ROBO2: variants seen among roughly 807,000 people sequenced by gnomAD.
The protein encoded by ROBO2 is roundabout guidance receptor 2.
A neutral mutation model predicts 160.8 loss-of-function variants in ROBO2; 53 were observed. The ratio of observed to expected loss-of-function variants is 0.33; its 90% CI spans 0.26 to 0.41. ROBO2 has a LOEUF of 0.41. Ranked by LOEUF, ROBO2 falls within the 10% of genes least tolerant of loss-of-function variation. The pLI is 1.00. For missense variants in ROBO2, 1,577 were observed against 1,722.4 expected, an observed-to-expected ratio of 0.92 and a Z score of 1.49; for synonymous variants, 664 against 611.7, an observed-to-expected ratio of 1.09 and a Z score of -1.26.
intron 2 of ROBO2, among the ~76,000 whole-genome samples, chr3:76,356,981 T>G (rs1303914211): frequency 6.6e-6 from 1 of 151,882 alleles, no homozygotes; most frequent in South Asian, 2.1e-4. Context: ...TAAAATAGTA[T>G]TTACAACCTC....
At chr3:76,773,677 A>G (rs1405356594) in intron 2 of ROBO2, among the ~76,000 whole-genome samples, 1 of 150,818 alleles carries the variant, frequency 6.6e-6, no homozygotes, top group Non-Finnish European at 1.5e-5. Context: ...ATACCTTACC[A>G]GAGAAAGTGA....
At chr3:77,328,891 G>GAAA (rs1231765380) in intron 2 of ROBO2, among the ~76,000 whole-genome samples, 1 of 152,140 alleles carries the variant, frequency 6.6e-6, no homozygotes, top group Non-Finnish European at 1.5e-5. Flanking sequence ...GAGCATATTT[G>GAAA]AAAACACAAA....
chr3:76,639,750 A>G (rs2090550741), intron 2 of ROBO2, among the ~76,000 whole-genome samples: 1 of 152,126 alleles, frequency 6.6e-6, no homozygotes. Flanking sequence ...TCCAACAGAA[A>G]CCATAGGGCT....
chr3:77,124,870 T>C (rs994169111), intron 2 of ROBO2, among the ~76,000 whole-genome samples: 1 of 152,022 alleles, frequency 6.6e-6, no homozygotes, highest in East Asian at 1.9e-4. Flanking sequence ...CTTCTTACTC[T>C]CTATCTTTAT....
At chr3:76,999,260 C>A (rs148753393) in intron 2 of ROBO2, among the ~76,000 whole-genome samples, 1 of 151,838 alleles carries the variant, frequency 6.6e-6, no homozygotes, top group African/African-American at 2.4e-5. Flanking sequence ...AGGATTAGTA[C>A]TGTCACCTAC....
chr3:77,145,608 G>A (rs952393191), intron 2 of ROBO2, among the ~76,000 whole-genome samples: 2 of 152,008 alleles, frequency 1.3e-5, no homozygotes, highest in Non-Finnish European at 2.9e-5. Flanking sequence ...AACTATGATG[G>A]ATCTAGTAAG....
intron 21 of ROBO2, among the ~76,000 whole-genome samples, chr3:77,612,046 C>A (rs868618409): frequency 6.6e-6 from 1 of 152,118 alleles, no homozygotes; most frequent in South Asian, 2.1e-4. Context: ...CAAGTTAATT[C>A]ACATGAAACA....
rs531627447 is a variant in ROBO2, at chr3:76,637,902, A to G, written c.110-460112A>G. The stretch of plus-strand genomic sequence containing the variant: ...ATCTAAAATAACAGGGTTTCTTGAA[A>G]TACTATTGAGTCTCTGTATAGTATT... On this transcript the variant is annotated intron_variant, in intron 2 of 26. Coordinates refer to the ROBO2 transcript ENST00000487694. Among the ~76,000 whole-genome samples, 9 of 152,344 alleles carry G rather than the reference A, an allele frequency of 5.9e-5. No individual in the cohort carries two copies. In the South Asian group the frequency reaches 1.7e-3, roughly 28 times the overall value.
intron 2 of ROBO2, among the ~76,000 whole-genome samples, chr3:77,417,396 G>T (rs1234146868): frequency 6.6e-6 from 1 of 152,034 alleles, no homozygotes; most frequent in African/African-American, 2.4e-5. Context: ...AAGTAATACA[G>T]CATAAAGAAA....
intron 6 of ROBO2, among the ~76,000 whole-genome samples, chr3:77,539,843 G>A (rs2092373637): frequency 6.6e-6 from 1 of 152,168 alleles, no homozygotes; most frequent in African/African-American, 2.4e-5. Flanking sequence ...CACAAGACAA[G>A]CACAAGGTCA....
At chr3:76,940,280 C>G (rs1297778603) in intron 2 of ROBO2, among the ~76,000 whole-genome samples, 3 of 152,112 alleles carry the variant, frequency 2.0e-5, no homozygotes, top group Non-Finnish European at 4.4e-5. Flanking sequence ...CTGCGCCTCG[C>G]CGCAACAGGA....
chr3:77,597,906 T>C (rs540300423), intron 19 of ROBO2, among the ~76,000 whole-genome samples: 1 of 152,226 alleles, frequency 6.6e-6, no homozygotes, highest in East Asian at 1.9e-4. Flanking sequence ...TTAGACTTCG[T>C]TCAGAGGGTA....
chr3:77,444,591 A>G (rs2080274618), intron 2 of ROBO2, among the ~76,000 whole-genome samples: 1 of 152,186 alleles, frequency 6.6e-6, no homozygotes, highest in African/African-American at 2.4e-5. Flanking sequence ...TTTAAAGAGG[A>G]AAAAGAGGTT....
intron 2 of ROBO2, among the ~76,000 whole-genome samples, chr3:76,555,352 G>GAA (rs1560140349): frequency 2.0e-4 from 7 of 35,822 alleles, no homozygotes; most frequent in East Asian, 1.4e-3. Context: ...AGGAAGAGTA[G>GAA]GAAGAGAGAA....
chr3:76,250,977 G>T (rs1211263504), intron 2 of ROBO2, among the ~76,000 whole-genome samples: 1 of 151,894 alleles, frequency 6.6e-6, no homozygotes, highest in Non-Finnish European at 1.5e-5. Flanking sequence ...AACTATAAAG[G>T]TGATAAGATA....
chr3:76,847,033 C>T (rs532442982), intron 2 of ROBO2, among the ~76,000 whole-genome samples: 1 of 152,164 alleles, frequency 6.6e-6, no homozygotes, highest in East Asian at 1.9e-4. Flanking sequence ...GATTTAAAAC[C>T]ACTGGTCTAC....
Position 77,033,073 on chromosome 3 carries a change from C to T in ROBO2, c.110-64941C>T, listed in dbSNP as rs1186866339. The stretch of plus-strand genomic sequence containing the variant: ...GACCAAGTTCTTTAAATGCAACATC[C>T]GACTACCTTGTGAGTAGGCACTATT... On this transcript the variant is annotated intron_variant, in intron 2 of 26. Transcript: ENST00000487694. Among the ~76,000 whole-genome samples, 12 of 152,254 alleles carry T rather than the reference C, an allele frequency of 7.9e-5. No individual in the cohort carries two copies. The East Asian group carries it at 9.7e-4, about 12-fold the overall frequency.
rs190619672 is a variant in ROBO2 at position 77,570,128 on chromosome 3, T to G, written c.1971+1694T>G. 2.1e-3 allele frequency among the ~76,000 whole-genome samples: 315 copies of G among 152,120 alleles called. 2 individuals carry two copies. The highest frequency in any genetic ancestry group is 3.5e-3 in the Non-Finnish European group (236 of 67,954). ...CTGTATTTTTCACAGCGTAGTAGTT[T>G]TCCTCATTCTCAATTGAAAAAAGTC... is the stretch of plus-strand genomic sequence containing the variant. On this transcript the variant is annotated intron_variant, in intron 13 of 25. Transcript: ENST00000461745.
chr3:77,383,010 T>C (rs1222712783), intron 2 of ROBO2, among the ~76,000 whole-genome samples: 5 of 152,218 alleles, frequency 3.3e-5, no homozygotes, highest in African/African-American at 1.2e-4. Flanking sequence ...CTTTTGTTAC[T>C]TTTTACAAGT....
Sources: gnomAD v4.1 joint callset for allele counts (sites outside exome capture counted in the v4.1 genomes callset) on GRCh38, gnomAD v4.1.1 for gene constraint, MANE v1.5 for transcripts, NCBI Gene and HGNC (gene_info 2026-07-23, HGNC 2026-07-21) for gene names.